The following WDR7 variants were observed in gnomAD, a reference collection of about 807,000 sequenced individuals.
WDR7 encodes WD repeat-containing protein 7.
WDR7 carries 46 observed loss-of-function variants against 169.4 expected under a neutral mutation model. That is an observed-to-expected ratio of 0.27 (90% confidence interval 0.21 to 0.35). The LOEUF (loss-of-function observed/expected upper bound fraction) is 0.35, where lower values mean the gene tolerates loss of function less well. Among genes scored for constraint, WDR7 ranks in the 10% least tolerant of loss-of-function variants. The pLI, the probability that WDR7 is intolerant of heterozygous loss-of-function variation, is 1.00. For synonymous variants in WDR7, 612 were observed against 666.8 expected (o/e 0.92, Z 1.27); for missense variants, 1,534 against 1,859.3 (o/e 0.83, Z 3.22).
intron 1 of WDR7, among the ~76,000 whole-genome samples, chr18:56,652,926 TAC>T: frequency 6.6e-6 from 1 of 152,344 alleles, no homozygotes; most frequent in South Asian, 2.1e-4. Flanking sequence ...CCTTGTATCT[TAC>T]AGTTTCCTTT....
chr18:56,914,499 C>T (rs1050111110), intron 21 of WDR7, among the ~76,000 whole-genome samples: 6 of 152,172 alleles, frequency 3.9e-5, no homozygotes, highest in African/African-American at 7.2e-5. Flanking sequence ...GGTGCTCGAG[C>T]TAGAACTGAA....
intron 27 of WDR7, among the ~76,000 whole-genome samples, chr18:57,024,506 TACAGG>T (rs2048330562): frequency 6.6e-6 from 1 of 151,854 alleles, no homozygotes; most frequent in African/African-American, 2.4e-5. Context: ...TTATGTCCCT[TACAGG>T]ATTTCACATA....
chr18:56,852,943 A>G (rs1479323429), intron 20 of WDR7, among the ~76,000 whole-genome samples: 2 of 152,190 alleles, frequency 1.3e-5, no homozygotes, highest in Non-Finnish European at 2.9e-5. Context: ...AGGTTCTGTA[A>G]TAACATTCAG....
rs971615428 is a variant in WDR7, at chr18:56,939,738, C to T, written c.4064+345C>T. ...CTTCTGGCTTTGGAAAGAAAATGTT[C>T]TTTTCTGCCAGCAGACATCTTTGTG... On this transcript the variant is annotated intron_variant, in intron 25 of 27. Transcript: ENST00000254442. 5.3e-5 allele frequency among the ~76,000 whole-genome samples: 8 copies of T among 152,000 alleles called. No individual in the cohort carries two copies. In the South Asian group the frequency reaches 1.4e-3, roughly 28 times the overall value.
intron 20 of WDR7, among the ~76,000 whole-genome samples, chr18:56,842,423 C>T (rs2045500081): frequency 6.6e-6 from 1 of 152,136 alleles, no homozygotes; most frequent in African/African-American, 2.4e-5. Context: ...ATGATCTAAT[C>T]ATCTCTTAAA....
intron 22 of WDR7, among the ~76,000 whole-genome samples, chr18:56,932,880 T>C: frequency 8.2e-6 from 1 of 121,606 alleles, no homozygotes; most frequent in South Asian, 2.1e-4. Context: ...TCTGGGTGTG[T>C]GTGTGTGTGT....
At chr18:56,837,768 C>T (rs950540478) in intron 20 of WDR7, among the ~76,000 whole-genome samples, 8 of 152,116 alleles carry the variant, frequency 5.3e-5, no homozygotes, top group African/African-American at 1.9e-4. Context: ...GCAAGCTATT[C>T]TCCTGCCTCA....
chr18:56,953,840 T>C (rs2047214736), intron 25 of WDR7, among the ~76,000 whole-genome samples: 1 of 152,232 alleles, frequency 6.6e-6, no homozygotes, highest in South Asian at 2.1e-4. Context: ...CTTATTTTTA[T>C]ATATAAGAAT....
chr18:56,704,824 ATTTACT>A (rs1434248364), intron 12 of WDR7, among the ~76,000 whole-genome samples: 3 of 152,312 alleles, frequency 2.0e-5, no homozygotes, highest in South Asian at 4.1e-4. Context: ...TAGGCATGAA[ATTTACT>A]TTTAATAATG....
In WDR7 at chr18:56,731,370, A is replaced by G. The variant is rs774490249; in HGVS notation, c.1775-13A>G. On this transcript the variant is annotated splice_polypyrimidine_tract_variant and intron_variant, in intron 13 of 27. Coordinates refer to ENST00000254442, the MANE Select transcript of WDR7 (RefSeq NM_015285.3). ...AGTGTTATGAAATATTTGTGAATAT[A>G]TTTTTCTCGCAGGTGCATTGGATCG... The G allele has an allele frequency of 1.9e-6, 3 of 1,609,068 alleles. No homozygotes were observed. Among genetic ancestry groups the G allele is most frequent in the Non-Finnish European group, 2.6e-6 (3 of 1,176,076 alleles).
intron 20 of WDR7, among the ~76,000 whole-genome samples, chr18:56,840,027 A>C (rs1358408766): frequency 6.6e-6 from 1 of 152,158 alleles, no homozygotes; most frequent in Non-Finnish European, 1.5e-5. Context: ...GCGCCACTGC[A>C]CTCCTGCTCT....
At chr18:56,802,786 C>A (rs1191010626) in intron 19 of WDR7, among the ~76,000 whole-genome samples, 4 of 152,080 alleles carry the variant, frequency 2.6e-5, no homozygotes, top group Non-Finnish European at 5.9e-5. Flanking sequence ...TAACAACGTC[C>A]TTTGCAGAGC....
chr18:56,844,082 C>A (rs145153379), intron 20 of WDR7, among the ~76,000 whole-genome samples: 2,213 of 151,722 alleles, frequency 0.015, 49 homozygotes, highest in African/African-American at 0.049. Flanking sequence ...AGGCTGGTCT[C>A]GAAATCTTGA....
intron 20 of WDR7, among the ~76,000 whole-genome samples, chr18:56,848,503 A>G (rs1194367248): frequency 2.6e-5 from 4 of 152,132 alleles, no homozygotes; most frequent in Admixed American, 1.3e-4. Flanking sequence ...CAATGTGAGA[A>G]GGACATAAGA....
At chr18:56,960,208 T>C (rs1270955148) in intron 25 of WDR7, among the ~76,000 whole-genome samples, 1 of 152,144 alleles carries the variant, frequency 6.6e-6, no homozygotes, top group Non-Finnish European at 1.5e-5. Flanking sequence ...CAGGAATAGA[T>C]TTGATCTTTC....
At chr18:56,943,768 T>A (rs2145714894) in intron 25 of WDR7, among the ~76,000 whole-genome samples, 1 of 152,192 alleles carries the variant, frequency 6.6e-6, no homozygotes, top group African/African-American at 2.4e-5. Context: ...AAGAGCTAAC[T>A]AATATAGTAT....
intron 21 of WDR7, among the ~76,000 whole-genome samples, chr18:56,902,362 T>G (rs1374119825): frequency 1.3e-5 from 2 of 152,210 alleles, no homozygotes; most frequent in Non-Finnish European, 2.9e-5. Flanking sequence ...AGTTTGCCTT[T>G]GTGGACATTT....
At chr18:56,672,751 A>G (rs2025164563) in intron 2 of WDR7, 77 bp downstream of exon 2, 3 of 1,312,620 alleles carry the variant, frequency 2.3e-6, no homozygotes, top group Admixed American at 6.1e-5. Flanking sequence ...TCCCCAAATG[A>G]TGCTTTTGGG....
intron 16 of WDR7, among the ~76,000 whole-genome samples, chr18:56,760,324 C>T (rs2043962254): frequency 6.6e-6 from 1 of 152,176 alleles, no homozygotes; most frequent in South Asian, 2.1e-4. Context: ...TAATCACTAT[C>T]TTGACTTTTG....
Sources: allele counts gnomAD v4.1 joint callset (sites outside exome capture counted in the v4.1 genomes callset), GRCh38; gene constraint gnomAD v4.1.1; transcripts MANE v1.5; gene names NCBI Gene and HGNC (gene_info 2026-07-23, HGNC 2026-07-21).